Variants in CDH7 observed in about 807,000 individuals in gnomAD.
CDH7 encodes the protein cadherin-7.
A neutral mutation model predicts 71.8 loss-of-function variants in CDH7; 25 were observed. That is an observed-to-expected ratio of 0.35 (90% CI 0.25 to 0.49). The LOEUF is 0.49. Among genes scored for constraint, CDH7 ranks in the 20% least tolerant of loss-of-function variants. The probability of loss-of-function intolerance (pLI) is 0.99; values close to 1 mark genes in which losing one functional copy is unlikely to be tolerated. For missense variants in CDH7, 862 were observed against 974.6 expected, an observed-to-expected ratio of 0.88 and a Z score of 1.54; for synonymous variants, 381 against 363.8, an observed-to-expected ratio of 1.05 and a Z score of -0.54.
Position 65,862,688 on chromosome 18 carries a change from C to A in CDH7, c.1635C>A (p.Thr545=). The change falls in exon 11 of 12, where the codon ACC becomes ACA. Residue 545 remains threonine (T), a synonymous_variant. Coordinates refer to ENST00000397968, the MANE Select transcript of CDH7 (RefSeq NM_004361.5). The part of the protein sequence containing the change: ...DNKDNTASIL[T]RRNGFRRQEQ... ...TAGACAACACAGCCTCAATACTGAC[C>A]AGGAGAAACGGCTTCCGGAGACAGG... 1 of 1,614,078 alleles carries A rather than the reference C, an allele frequency of 6.2e-7. No homozygotes were observed. Among genetic ancestry groups the A allele is most frequent in the Non-Finnish European group, 8.5e-7 (1 of 1,179,976 alleles).
At chr18:65,770,845 A>C (rs1032928844) in intron 2 of CDH7, among the ~76,000 whole-genome samples, 1 of 152,314 alleles carries the variant, frequency 6.6e-6, no homozygotes. Flanking sequence ...AACCAATCAT[A>C]TTTTGAAGAT....
chr18:65,817,004 A>C lies in CDH7; in HGVS notation c.625+2400A>C, dbSNP rs547028851. On this transcript the variant is annotated intron_variant, in intron 4 of 11. Coordinates refer to ENST00000397968, the MANE Select transcript of CDH7 (RefSeq NM_004361.5). ...GATATATGGGAGGACTGGCTACCTA[A>C]TTCGTAGCTTAAACTGAACATGCAG... Among the ~76,000 whole-genome samples the C allele has an allele frequency of 3.9e-5, 6 of 152,274 alleles. No individual in the cohort carries two copies. In the East Asian group the frequency reaches 1.2e-3, roughly 29 times the overall value.
intron 2 of CDH7, among the ~76,000 whole-genome samples, chr18:65,793,418 C>CAAAA (rs541826329): frequency 2.2e-5 from 2 of 91,198 alleles, no homozygotes; most frequent in African/African-American, 7.8e-5. Context: ...CACCCAGTCT[C>CAAAA]AAAAAAAAAA....
At chr18:65,870,858 C>T (rs1031366851) in intron 11 of CDH7, among the ~76,000 whole-genome samples, 7 of 152,134 alleles carry the variant, frequency 4.6e-5, no homozygotes, top group Admixed American at 1.3e-4. Context: ...TAGTGATCTT[C>T]GTCTCTCTGT....
intron 2 of CDH7, among the ~76,000 whole-genome samples, chr18:65,769,867 G>A (rs1360666002): frequency 6.6e-6 from 1 of 152,118 alleles, no homozygotes; most frequent in Non-Finnish European, 1.5e-5. Flanking sequence ...GAAGATAGAG[G>A]ATGTTGACGT....
intron 4 of CDH7, among the ~76,000 whole-genome samples, chr18:65,817,990 G>A (rs1911779678): frequency 6.6e-6 from 1 of 152,060 alleles, no homozygotes; most frequent in African/African-American, 2.4e-5. Flanking sequence ...TCATGCATCA[G>A]TGTCTACATT....
intron 6 of CDH7, among the ~76,000 whole-genome samples, chr18:65,840,515 T>G (rs1912691572): frequency 6.6e-6 from 1 of 152,174 alleles, no homozygotes; most frequent in African/African-American, 2.4e-5. Flanking sequence ...CTCCCATGAT[T>G]TCCATGTGTT....
chr18:65,803,898 T>A (rs1171538685), intron 2 of CDH7: 1 of 150,858 alleles, frequency 6.6e-6, no homozygotes, highest in East Asian at 1.9e-4. Context: ...TACTTTGCCA[T>A]CATTACTTCA....
At chr18:65,832,380 G>A (rs1599037300) in intron 6 of CDH7, among the ~76,000 whole-genome samples, 1 of 151,916 alleles carries the variant, frequency 6.6e-6, no homozygotes, top group African/African-American at 2.4e-5. Flanking sequence ...AGAATAAATA[G>A]AGAAAATGAA....
At chr18:65,784,509 C>T (rs770057906) in intron 2 of CDH7, among the ~76,000 whole-genome samples, 11 of 152,010 alleles carry the variant, frequency 7.2e-5, no homozygotes, top group Non-Finnish European at 1.6e-4. Context: ...ATTATCTGAC[C>T]CACCATATAA....
chr18:65,784,396 A>G (rs1357891979), intron 2 of CDH7, among the ~76,000 whole-genome samples: 1 of 152,136 alleles, frequency 6.6e-6, no homozygotes, highest in East Asian at 1.9e-4. Context: ...ACTCTGAAGC[A>G]GGAGTGGCCT....
At chr18:65,845,602 T>A (rs1488942351) in intron 7 of CDH7, among the ~76,000 whole-genome samples, 4 of 152,072 alleles carry the variant, frequency 2.6e-5, no homozygotes, top group Non-Finnish European at 5.9e-5. Context: ...TCATGAACAA[T>A]CAACCACAGT....
At chr18:65,821,977 A>C in intron 4 of CDH7, 104 bp from the exon 5 acceptor site, 1 of 836,680 alleles carries the variant, frequency 1.2e-6, no homozygotes, top group Non-Finnish European at 2.0e-6. Context: ...ACAAAACAAC[A>C]AAAGGCAACA....
intron 7 of CDH7, 56 bp downstream of exon 7, chr18:65,844,121 A>G (rs1282501628): frequency 1.0e-5 from 15 of 1,500,036 alleles, no homozygotes; most frequent in Non-Finnish European, 1.4e-5. Context: ...ATTCTTGTTC[A>G]CAACTCTTAT....
chr18:65,856,934 A>G (rs965898495), intron 7 of CDH7, among the ~76,000 whole-genome samples: 1 of 152,040 alleles, frequency 6.6e-6, no homozygotes, highest in Non-Finnish European at 1.5e-5. Context: ...AGGCTTTTAC[A>G]TGCAAAAATA....
intron 11 of CDH7, among the ~76,000 whole-genome samples, chr18:65,867,111 C>T (rs1351364319): frequency 3.3e-5 from 5 of 150,560 alleles, no homozygotes; most frequent in African/African-American, 1.2e-4. Context: ...TCTCGACTCA[C>T]TGCAAGCTCC....
intron 2 of CDH7, among the ~76,000 whole-genome samples, chr18:65,806,618 C>A (rs1187281827): frequency 6.6e-6 from 1 of 151,996 alleles, no homozygotes; most frequent in Non-Finnish European, 1.5e-5. Flanking sequence ...TAACATTTTT[C>A]TGTTCAGGTT....
rs1289718519 is a variant in CDH7, at chr18:65,872,576, A to G, written c.1865-7825A>G. Among the ~76,000 whole-genome samples, 8 of 152,264 alleles carry G rather than the reference A, an allele frequency of 5.3e-5. No individual in the cohort carries two copies. In the East Asian group the frequency reaches 1.5e-3, roughly 29 times the overall value. On this transcript the variant is annotated intron_variant, in intron 11 of 11. Transcript: ENST00000397968. ...GTTATTTCTGATCCATCTGAAGCCA[A>G]CAAAATTCAAGCTCAGTTCAATATT...
intron 2 of CDH7, among the ~76,000 whole-genome samples, chr18:65,776,007 G>T (rs1909927298): frequency 6.6e-6 from 1 of 152,012 alleles, no homozygotes; most frequent in Non-Finnish European, 1.5e-5. Context: ...ATTTCTGATG[G>T]AAAGAGCAGA....
Sources: gnomAD v4.1 joint callset for allele counts (sites outside exome capture counted in the v4.1 genomes callset) on GRCh38, gnomAD v4.1.1 for gene constraint, MANE v1.5 for transcripts, NCBI Gene and HGNC (gene_info 2026-07-23, HGNC 2026-07-21) for gene names.